The following INTS9 variants were observed in gnomAD, a reference collection of about 807,000 sequenced individuals.
INTS9 encodes integrator complex subunit 9, also known as protein related to CPSF subunits of 74 kDa.
In INTS9, 55 loss-of-function variants were observed where a neutral mutation model predicts 79.7. The observed-to-expected ratio is 0.69, with a 90% CI of 0.56 to 0.86. INTS9 has a LOEUF of 0.86. Among genes scored for constraint, INTS9 ranks in the 40% least tolerant of loss-of-function variants. INTS9 has a pLI of 0.00. For missense variants in INTS9, 721 were observed against 831.5 expected, an observed-to-expected ratio of 0.87 and a Z score of 1.64; for synonymous variants, 319 against 325.2, an observed-to-expected ratio of 0.98 and a Z score of 0.20.
chr8:28,857,078 T>C (rs970088762), intron 2 of INTS9, among the ~76,000 whole-genome samples: 2 of 152,174 alleles, frequency 1.3e-5, no homozygotes, highest in African/African-American at 2.4e-5. Context: ...CTGGGTAGTA[T>C]TCCATGGTGT....
At chr8:28,774,882 C>T (rs898455232) in intron 14 of INTS9, among the ~76,000 whole-genome samples, 7 of 152,172 alleles carry the variant, frequency 4.6e-5, no homozygotes, top group East Asian at 1.9e-4. Context: ...GTGGCCCAAG[C>T]GCAGCATGCC....
chr8:28,794,807 C>T (rs1246378434), intron 9 of INTS9, among the ~76,000 whole-genome samples: 1 of 152,146 alleles, frequency 6.6e-6, no homozygotes, highest in Non-Finnish European at 1.5e-5. Flanking sequence ...AGGTAGGGCC[C>T]CCAAATTTGC....
At chr8:28,800,077 T>G (rs1478157815) in intron 8 of INTS9, among the ~76,000 whole-genome samples, 1 of 152,180 alleles carries the variant, frequency 6.6e-6, no homozygotes, top group African/African-American at 2.4e-5. Context: ...CACTCCAAAC[T>G]GAAAGTACTA....
In INTS9 at chr8:28,794,040, TA is replaced by T. The variant is rs571174943; in HGVS notation, c.857-54del. On this transcript the variant is annotated intron_variant, in intron 9 of 16. Transcript: ENST00000521022. ...AAACATCATATCAAAAGGGCAGTGT[TA>T]TAAAGATAAACTTGTAAAATAAGAT... 198 of 1,344,992 alleles carry T rather than the reference TA, an allele frequency of 1.5e-4. No homozygotes were observed. In the African/African-American group the frequency reaches 1.6e-3, roughly 11 times the overall value. The allele number at this position is 1,344,992 out of a possible 1,614,324, so 83.3% of individuals were successfully genotyped here.
chr8:28,778,640 C>T (rs905316987), intron 12 of INTS9, among the ~76,000 whole-genome samples: 1 of 152,246 alleles, frequency 6.6e-6, no homozygotes, highest in Admixed American at 6.5e-5. Flanking sequence ...AGGGCTGCTG[C>T]AGCCTGCTTG....
intron 8 of INTS9, among the ~76,000 whole-genome samples, chr8:28,811,884 C>A (rs1428321546): frequency 1.3e-5 from 2 of 152,120 alleles, no homozygotes; most frequent in African/African-American, 4.8e-5. Context: ...ATTTGTTTAC[C>A]TACTATACAC....
At chr8:28,846,274 G>GT (rs1202915751) in intron 4 of INTS9, among the ~76,000 whole-genome samples, 1 of 152,210 alleles carries the variant, frequency 6.6e-6, no homozygotes, top group Non-Finnish European at 1.5e-5. Flanking sequence ...ATAATAATAT[G>GT]TAAGTGATTG....
chr8:28,868,912 A>C (rs942165674), intron 1 of INTS9, among the ~76,000 whole-genome samples: 2 of 152,118 alleles, frequency 1.3e-5, no homozygotes, highest in Admixed American at 6.5e-5. Context: ...CAGCCTGGCC[A>C]ACATGGCGAA....
In INTS9 at chr8:28,775,739, TAGGAAGG is replaced by T. The variant is rs1262920640; in HGVS notation, c.1563+13_1563+19del. The T allele has an allele frequency of 6.2e-7, 1 of 1,613,290 alleles. No individual in the cohort carries two copies. The highest frequency in any genetic ancestry group is 1.3e-5 in the African/African-American group (1 of 74,870). ...TCTGTGGAAAGCTCTAGTTTAACCC[TAGGAAGG>T]AGAACAGCTCACCTCTGGCATGATC... On this transcript the variant is annotated intron_variant, in intron 14 of 16. Transcript: ENST00000521022.
intron 2 of INTS9, among the ~76,000 whole-genome samples, chr8:28,851,868 A>G (rs1447183369): frequency 6.6e-6 from 1 of 152,196 alleles, no homozygotes; most frequent in Middle Eastern, 3.2e-3. Flanking sequence ...TTAACTGTTT[A>G]CATTTTGCCT....
At chr8:28,794,657 CA>C (rs1412536146) in intron 9 of INTS9, among the ~76,000 whole-genome samples, 3 of 152,178 alleles carry the variant, frequency 2.0e-5, no homozygotes, top group Non-Finnish European at 4.4e-5. Flanking sequence ...TCAGTTTCTG[CA>C]TCAGTTACAT....
At chr8:28,831,290 C>T (rs2131154259) in intron 6 of INTS9, among the ~76,000 whole-genome samples, 1 of 152,258 alleles carries the variant, frequency 6.6e-6, no homozygotes, top group Admixed American at 6.5e-5. Flanking sequence ...GAACAACACA[C>T]ACTGGGGCCT....
chr8:28,830,658 A>G (rs1277971942), intron 6 of INTS9, among the ~76,000 whole-genome samples: 1 of 151,742 alleles, frequency 6.6e-6, no homozygotes, highest in Admixed American at 6.6e-5. Flanking sequence ...AAAGCTCTTC[A>G]AATTCTTCTA....
intron 1 of INTS9, among the ~76,000 whole-genome samples, chr8:28,887,416 G>C (rs1342443350): frequency 2.0e-5 from 3 of 152,190 alleles, no homozygotes; most frequent in African/African-American, 7.2e-5. Flanking sequence ...TTGGACTGGA[G>C]AGAAATAGAA....
At chr8:28,804,523 C>T (rs943214348) in intron 8 of INTS9, among the ~76,000 whole-genome samples, 12 of 151,732 alleles carry the variant, frequency 7.9e-5, no homozygotes, top group Non-Finnish European at 1.5e-4. Context: ...TCACAGAACA[C>T]CAAGCCACTC....
chr8:28,792,204 AAC>A (rs1300303310), intron 10 of INTS9, among the ~76,000 whole-genome samples: 2 of 152,218 alleles, frequency 1.3e-5, no homozygotes, highest in Non-Finnish European at 2.9e-5. Flanking sequence ...TGAAAAAGTT[AAC>A]ATTACTCAAT....
At chr8:28,829,011 T>A (rs1005850976) in intron 6 of INTS9, among the ~76,000 whole-genome samples, 1 of 152,160 alleles carries the variant, frequency 6.6e-6, no homozygotes, top group Admixed American at 6.5e-5. Context: ...CCGTAAGGTA[T>A]GAAGCCACAT....
Position 28,877,295 on chromosome 8 carries a change from C to A in INTS9, c.9+12579G>T, listed in dbSNP as rs1444797088. Among the ~76,000 whole-genome samples the A allele has an allele frequency of 5.3e-5, 8 of 152,012 alleles. No individual in the cohort carries two copies. The East Asian group carries it at 1.3e-3, about 26-fold the overall frequency. ...GAGAACTGAGCAGGAAATGGAAATA[C>A]AAATGCTTTTATAAATATATAAAAA... On this transcript the variant is annotated intron_variant, in intron 1 of 16. Transcript: ENST00000521022.
At chr8:28,804,574 A>C (rs766067747) in intron 8 of INTS9, among the ~76,000 whole-genome samples, 21 of 152,092 alleles carry the variant, frequency 1.4e-4, no homozygotes, top group Non-Finnish European at 2.6e-4. Flanking sequence ...AGTGGTGACA[A>C]GTCAGGGAGA....
Sources: gnomAD v4.1 joint callset for allele counts (sites outside exome capture counted in the v4.1 genomes callset) on GRCh38, gnomAD v4.1.1 for gene constraint, MANE v1.5 for transcripts, NCBI Gene and HGNC (gene_info 2026-07-23, HGNC 2026-07-21) for gene names.